The following TANC1 variants were observed in gnomAD, a reference collection of about 807,000 sequenced individuals.
TANC1 encodes protein TANC1.
Under a neutral mutation model 149.7 loss-of-function variants are expected in TANC1, and 77 were observed. That is an observed-to-expected ratio of 0.51 (90% CI 0.43 to 0.62). The LOEUF (loss-of-function observed/expected upper bound fraction) is 0.62. Ranked by LOEUF, TANC1 falls within the 20% of genes least tolerant of loss-of-function variation. The probability of loss-of-function intolerance (pLI) is 0.00; values close to 1 mark genes in which losing one functional copy is unlikely to be tolerated. For synonymous variants in TANC1, 854 were observed against 925.0 expected, an observed-to-expected ratio of 0.92 and a Z score of 1.39; for missense variants, 1,985 against 2,321.8, an observed-to-expected ratio of 0.85 and a Z score of 2.98.
intron 13 of TANC1, among the ~76,000 whole-genome samples, chr2:159,177,185 C>T (rs553434659): frequency 1.9e-4 from 29 of 152,150 alleles, no homozygotes; most frequent in Non-Finnish European, 3.5e-4. Context: ...GCTGGGATTA[C>T]AGGCATGAGC....
chr2:158,975,090 C>T (rs926669504), intron 1 of TANC1, among the ~76,000 whole-genome samples: 6 of 151,860 alleles, frequency 4.0e-5, no homozygotes, highest in Non-Finnish European at 7.4e-5. Flanking sequence ...ATTTATAATA[C>T]CTAATATAAT....
intron 1 of TANC1, among the ~76,000 whole-genome samples, chr2:158,992,415 C>T (rs572931667): frequency 1.4e-5 from 2 of 143,606 alleles, no homozygotes; most frequent in Admixed American, 7.0e-5. Flanking sequence ...ATTTTATTCT[C>T]TTCCTTCCTT....
intron 3 of TANC1, among the ~76,000 whole-genome samples, chr2:159,081,140 G>A (rs562415949): frequency 6.6e-6 from 1 of 152,266 alleles, no homozygotes; most frequent in African/African-American, 2.4e-5. Flanking sequence ...GAGCAGAGCT[G>A]GAACCAGAGC....
intron 2 of TANC1, among the ~76,000 whole-genome samples, chr2:159,017,151 G>A (rs878972493): frequency 9.2e-5 from 14 of 152,076 alleles, no homozygotes; most frequent in Non-Finnish European, 1.3e-4. Context: ...CTTCTTTGGC[G>A]CCCTAACAGG....
At chr2:159,133,344 C>CTT (rs796553146) in intron 4 of TANC1, among the ~76,000 whole-genome samples, 2 of 97,056 alleles carry the variant, frequency 2.1e-5, no homozygotes, top group East Asian at 7.7e-4. Flanking sequence ...GTTCTGGTTC[C>CTT]TTTTTTTTTT....
intron 17 of TANC1, among the ~76,000 whole-genome samples, chr2:159,194,706 G>A (rs1485161675): frequency 1.3e-5 from 2 of 152,196 alleles, no homozygotes; most frequent in Non-Finnish European, 2.9e-5. Context: ...GTTGTCCAGG[G>A]GAAGGCAGAA....
chr2:159,088,968 G>A (rs1372192346), intron 3 of TANC1, among the ~76,000 whole-genome samples: 2 of 152,146 alleles, frequency 1.3e-5, no homozygotes, highest in East Asian at 3.9e-4. Context: ...TCTCAGTCCT[G>A]TCATTGATTA....
At chr2:159,170,995 G>T (rs1201024343) in intron 10 of TANC1, among the ~76,000 whole-genome samples, 190 bp downstream of exon 10, 1 of 152,188 alleles carries the variant, frequency 6.6e-6, no homozygotes, top group Non-Finnish European at 1.5e-5. Flanking sequence ...CTGTAAGCTG[G>T]GGCGAGGCCA....
chr2:159,148,957 T>G, intron 5 of TANC1, 185 bp from the exon 6 acceptor site: 1 of 609,702 alleles, frequency 1.6e-6, no homozygotes, highest in South Asian at 3.2e-5. Flanking sequence ...TACTGTTTCC[T>G]TAACCTGTCA....
intron 2 of TANC1, among the ~76,000 whole-genome samples, chr2:159,055,478 G>C (rs2041783196): frequency 6.6e-6 from 1 of 152,164 alleles, no homozygotes; most frequent in Non-Finnish European, 1.5e-5. Context: ...CAGCTATTCA[G>C]TGCCTGAGCT....
At chr2:159,068,197 C>A (rs994041040) in intron 3 of TANC1, among the ~76,000 whole-genome samples, 3 of 152,286 alleles carry the variant, frequency 2.0e-5, no homozygotes, top group Admixed American at 2.0e-4. Flanking sequence ...TGGAATTTGA[C>A]CACTCATATG....
In TANC1 at chr2:159,198,982, A is replaced by C; in HGVS notation, c.3173A>C (p.Gln1058Pro). 6.2e-7 allele frequency: 1 copy of C among 1,613,900 alleles called. No individual in the cohort carries two copies. The highest frequency in any genetic ancestry group is 8.5e-7 in the Non-Finnish European group (1 of 1,179,814). ...CCTTGCCACTTCTGACAGGTGGTCC[A>C]GTGCTTGCTGGGGATGGAGAAGGAA... is the stretch of plus-strand genomic sequence containing the variant. ...AASMGHSSVV[Q>P]CLLGMEKEHE... Residue 1058 changes from glutamine to proline, a missense_variant, in exon 19 of 27, where the codon CAG (glutamine) becomes CCG (proline). Gln to Pro is a moderately conservative substitution (Grantham distance 76, BLOSUM62 -1). Transcript: ENST00000263635.
At chr2:159,136,047 T>TGTGTGTGTGA in intron 4 of TANC1, 147 bp from the exon 5 acceptor site, 7 of 210,226 alleles carry the variant, frequency 3.3e-5, no homozygotes, top group Middle Eastern at 1.2e-3. Context: ...TGTGTGTGTG[T>TGTGTGTGTGA]GTGCGCGCGC....
chr2:159,162,881 G>T (rs1200181930), intron 7 of TANC1, among the ~76,000 whole-genome samples: 1 of 152,038 alleles, frequency 6.6e-6, no homozygotes, highest in South Asian at 2.1e-4. Flanking sequence ...CCCACCCCCA[G>T]CAAATGTTTT....
chr2:159,008,245 C>A (rs1023846461), intron 2 of TANC1, among the ~76,000 whole-genome samples: 1 of 152,194 alleles, frequency 6.6e-6, no homozygotes, highest in Non-Finnish European at 1.5e-5. Context: ...GCATCTGATA[C>A]AGCTTGGTAG....
At chr2:159,013,196 T>G (rs1321703554) in intron 2 of TANC1, among the ~76,000 whole-genome samples, 1 of 152,174 alleles carries the variant, frequency 6.6e-6, no homozygotes, top group Non-Finnish European at 1.5e-5. Flanking sequence ...TGAAAATCAA[T>G]TATGTATTTA....
intron 11 of TANC1, 52 bp downstream of exon 11, chr2:159,172,324 T>C (rs771851123): frequency 1.0e-5 from 16 of 1,577,224 alleles, no homozygotes; most frequent in Non-Finnish European, 1.3e-5. Context: ...TTTGCTGGTT[T>C]GGTTTCTGAG....
intron 2 of TANC1, among the ~76,000 whole-genome samples, chr2:159,018,571 G>C (rs796872416): frequency 9.9e-5 from 15 of 152,266 alleles, no homozygotes; most frequent in African/African-American, 2.6e-4. Context: ...TTGTTGTGTA[G>C]CCATTACCAC....
chr2:159,145,734 C>T (rs557272267), intron 5 of TANC1, among the ~76,000 whole-genome samples: 1 of 152,306 alleles, frequency 6.6e-6, no homozygotes, highest in South Asian at 2.1e-4. Flanking sequence ...TTTCTCCATG[C>T]AGTCAGCCTT....
Sources: allele counts gnomAD v4.1 joint callset (sites outside exome capture counted in the v4.1 genomes callset), GRCh38; gene constraint gnomAD v4.1.1; transcripts MANE v1.5; gene names NCBI Gene and HGNC (gene_info 2026-07-23, HGNC 2026-07-21).